The following CDH13 variants were observed in gnomAD, a reference collection of about 807,000 sequenced individuals.
The protein encoded by CDH13 is cadherin-13.
In CDH13, 24 loss-of-function variants were observed where a neutral mutation model predicts 63.8. The ratio of observed to expected loss-of-function variants is 0.38; its 90% CI spans 0.27 to 0.53. The LOEUF (loss-of-function observed/expected upper bound fraction) is 0.53, where lower values mean the gene tolerates loss of function less well. CDH13 is among the 20% of genes least tolerant of loss of function. The pLI is 0.85. For missense variants in CDH13, 1,049 were observed against 903.1 expected (o/e 1.16, Z -2.07); for synonymous variants, 503 against 355.3 (o/e 1.42, Z -4.67).
chr16:83,524,954 A>G (rs996806844), intron 7 of CDH13, among the ~76,000 whole-genome samples: 2 of 152,230 alleles, frequency 1.3e-5, no homozygotes, highest in Non-Finnish European at 2.9e-5. Context: ...CAGTAGACCA[A>G]TGATTTTCTC....
At chr16:82,796,183 T>C (rs4783280) in intron 1 of CDH13, among the ~76,000 whole-genome samples, 20,937 of 151,940 alleles carry the variant, frequency 0.14, 1,517 homozygotes, top group Non-Finnish European at 0.16. Context: ...AGCCAGTAAA[T>C]TGCAAAGCTG....
intron 2 of CDH13, among the ~76,000 whole-genome samples, chr16:82,900,732 A>C (rs550014828): frequency 6.6e-6 from 1 of 152,228 alleles, no homozygotes; most frequent in Non-Finnish European, 1.5e-5. Context: ...GGGAGAGGCC[A>C]GTGCTAAGGC....
intron 3 of CDH13, among the ~76,000 whole-genome samples, chr16:83,093,605 C>G (rs930540571): frequency 2.6e-5 from 4 of 152,048 alleles, no homozygotes; most frequent in African/African-American, 9.7e-5. Flanking sequence ...CAGGCATGAA[C>G]CACTGCTCCC....
At chr16:83,208,927 C>G (rs898705107) in intron 4 of CDH13, among the ~76,000 whole-genome samples, 4 of 152,124 alleles carry the variant, frequency 2.6e-5, no homozygotes, top group African/African-American at 9.7e-5. Context: ...TTTAAAGGGA[C>G]CCCTGCAAAT....
chr16:83,095,311 T>G (rs1229821493), intron 3 of CDH13, among the ~76,000 whole-genome samples: 1 of 152,188 alleles, frequency 6.6e-6, no homozygotes, highest in Admixed American at 6.5e-5. Flanking sequence ...ATGGTACTGG[T>G]GTAGTAATGA....
intron 6 of CDH13, among the ~76,000 whole-genome samples, chr16:83,424,225 C>T (rs1010484376): frequency 2.0e-5 from 3 of 149,388 alleles, no homozygotes; most frequent in Non-Finnish European, 3.0e-5. Flanking sequence ...GTGGACTGAA[C>T]AGTCTAGAAG....
Position 82,866,377 on chromosome 16 carries a change from C to CTTTTTTTTTTTTT in CDH13, c.157+7921_157+7933dup, listed in dbSNP as rs538206338. Reference sequence around the variant, plus strand: ...TCTGTTTTCTTTTCTTTTTCTTCTTCTTTTTTTTTTTTTTTTTTTTTTTTT... The same window carrying CTTTTTTTTTTTTT: ...TCTGTTTTCTTTTCTTTTTCTTCTTCTTTTTTTTTTTTTTTTTTTTTTTTTTTTTTTTTTTTTT... On this transcript the variant is annotated intron_variant, in intron 2 of 13. Transcript: ENST00000567109. 9.3e-4 allele frequency among the ~76,000 whole-genome samples: 54 copies of CTTTTTTTTTTTTT among 58,326 alleles called. 1 individual carries two copies. The highest frequency in any genetic ancestry group is 1.1e-3 in the African/African-American group (13 of 11,558). The allele number at this position is 58,326 out of a possible 152,430, so 38.3% of individuals were successfully genotyped here. A position where few individuals can be genotyped will look rare whatever the true frequency, so the allele number is the denominator to read the frequency against.
Position 83,379,498 on chromosome 16 carries a change from G to A in CDH13, c.781+34492G>A, listed in dbSNP as rs58255667. On this transcript the variant is annotated intron_variant, in intron 6 of 13. Transcript: ENST00000567109. ...AAAGGCAACCATACAGTGTTTTGGT[G>A]AGGTTGATCAACCAGTTATATATTT... 8.3e-3 allele frequency among the ~76,000 whole-genome samples: 1,262 copies of A among 152,266 alleles called. 15 individuals are homozygous for A. The highest frequency in any genetic ancestry group is 0.051 in the East Asian group (264 of 5,188).
At chr16:83,499,865 C>T (rs74810715) in intron 7 of CDH13, among the ~76,000 whole-genome samples, 2,300 of 152,228 alleles carry the variant, frequency 0.015, 75 homozygotes, top group Admixed American at 0.094. Context: ...TGCAATGGCA[C>T]GATCTCAGCT....
chr16:82,725,155 G>T (rs2033022623), intron 1 of CDH13, among the ~76,000 whole-genome samples: 1 of 152,106 alleles, frequency 6.6e-6, no homozygotes, highest in Non-Finnish European at 1.5e-5. Context: ...GATGATGACA[G>T]TTGTGCTAAT....
chr16:83,519,712 G>C (rs968433501), intron 7 of CDH13, among the ~76,000 whole-genome samples: 36 of 152,174 alleles, frequency 2.4e-4, no homozygotes, highest in African/African-American at 8.4e-4. Context: ...AATGAAGGAT[G>C]CTCTAGGGCA....
intron 4 of CDH13, among the ~76,000 whole-genome samples, chr16:83,190,952 C>T (rs1192914934): frequency 1.3e-5 from 2 of 151,820 alleles, no homozygotes; most frequent in African/African-American, 4.8e-5. Flanking sequence ...TCTCAGTTGG[C>T]TCATTTTGGT....
chr16:83,559,973 C>T (rs1327588996), intron 7 of CDH13, among the ~76,000 whole-genome samples: 1 of 152,120 alleles, frequency 6.6e-6, no homozygotes, highest in African/African-American at 2.4e-5. Context: ...ACGATGGAGG[C>T]CTCATTGCCT....
At chr16:82,888,845 T>C (rs4783294) in intron 2 of CDH13, among the ~76,000 whole-genome samples, 114,288 of 152,140 alleles carry the variant, frequency 0.75, 43,206 homozygotes, top group East Asian at 0.88. Flanking sequence ...TTGTTTTCTA[T>C]AGTCTGTCTT....
chr16:82,662,193 A>T (rs1314540836), intron 1 of CDH13, among the ~76,000 whole-genome samples: 2 of 140,390 alleles, frequency 1.4e-5, no homozygotes, highest in Admixed American at 1.4e-4. Flanking sequence ...CCAGGTAAAC[A>T]AGTTACAAAA....
intron 10 of CDH13, among the ~76,000 whole-genome samples, chr16:83,681,000 T>C (rs746173395): frequency 1.3e-5 from 2 of 151,940 alleles, no homozygotes; most frequent in African/African-American, 2.4e-5. Context: ...CTCTCCTTGA[T>C]CCTACCAGAG....
chr16:82,771,699 A>C (rs2035273153), intron 1 of CDH13, among the ~76,000 whole-genome samples: 1 of 152,228 alleles, frequency 6.6e-6, no homozygotes, highest in Non-Finnish European at 1.5e-5. Context: ...CTTCCCCAGA[A>C]GAAGGTCCTG....
intron 8 of CDH13, among the ~76,000 whole-genome samples, chr16:83,620,887 C>T (rs1422402210): frequency 6.6e-6 from 1 of 152,146 alleles, no homozygotes; most frequent in Non-Finnish European, 1.5e-5. Flanking sequence ...CAAGACTGGT[C>T]ATTCCATCAC....
chr16:82,791,812 A>T (rs1209022249), intron 1 of CDH13, among the ~76,000 whole-genome samples: 2 of 152,060 alleles, frequency 1.3e-5, no homozygotes, highest in East Asian at 3.9e-4. Flanking sequence ...TTCTTCTGTG[A>T]CCCACGGCTT....
Sources: allele counts gnomAD v4.1 joint callset (sites outside exome capture counted in the v4.1 genomes callset), GRCh38; gene constraint gnomAD v4.1.1; transcripts MANE v1.5; gene names NCBI Gene and HGNC (gene_info 2026-07-23, HGNC 2026-07-21).